Variants in TRPC5 observed in about 807,000 individuals in gnomAD.
TRPC5 encodes transient receptor potential cation channel subfamily C member 5.
Under a neutral mutation model 56.5 loss-of-function variants are expected in TRPC5, and 9 were observed. That is an observed-to-expected ratio of 0.16 (90% CI 0.10 to 0.28). The LOEUF (loss-of-function observed/expected upper bound fraction) is 0.28, where lower values mean the gene tolerates loss of function less well. Among genes scored for constraint, TRPC5 ranks in the 10% least tolerant of loss-of-function variants. The pLI is 1.00. For missense variants in TRPC5, 469 were observed against 748.9 expected (o/e 0.63, Z 4.36); for synonymous variants, 282 against 278.5 (o/e 1.01, Z -0.13).
intron 10 of TRPC5, among the ~76,000 whole-genome samples, chrX:111,777,703 A>T (rs188146627): frequency 8.9e-6 from 1 of 111,894 alleles, no homozygotes; most frequent in East Asian, 2.8e-4. Context: ...ACCTGTATGG[A>T]CATATTCTCC....
intron 7 of TRPC5, among the ~76,000 whole-genome samples, chrX:111,792,946 G>A (rs1946034125): frequency 3.6e-5 from 4 of 111,884 alleles, no homozygotes; most frequent in African/African-American, 1.3e-4. Context: ...AATGGCAAAT[G>A]GACAAGTTCA....
At chrX:112,081,654 T>G (rs768173380) in intron 1 of TRPC5, among the ~76,000 whole-genome samples, 2 of 111,729 alleles carry the variant, frequency 1.8e-5, no homozygotes, top group Middle Eastern at 4.2e-3. Flanking sequence ...AGGCAGCACC[T>G]TGTCCTATCA....
chrX:111,802,318 T>G (rs1921336526), intron 7 of TRPC5, among the ~76,000 whole-genome samples: 1 of 111,825 alleles, frequency 8.9e-6, no homozygotes, highest in African/African-American at 3.2e-5. Flanking sequence ...CAAACTTCAT[T>G]GATTTTTCAA....
At chrX:111,997,418 G>A (rs913144275) in intron 1 of TRPC5, among the ~76,000 whole-genome samples, 9 of 111,375 alleles carry the variant, frequency 8.1e-5, no homozygotes, top group Non-Finnish European at 1.5e-4. Flanking sequence ...CTTTCTCTCT[G>A]GTTGCCCTTA....
intron 2 of TRPC5, among the ~76,000 whole-genome samples, chrX:111,947,298 C>T (rs1016093526): frequency 1.8e-5 from 2 of 111,235 alleles, no homozygotes; most frequent in Non-Finnish European, 3.8e-5. Flanking sequence ...TGATCTTGGA[C>T]AATTGACCTA....
At chrX:111,909,821 A>T (rs1431843749) in intron 3 of TRPC5, among the ~76,000 whole-genome samples, 1 of 111,778 alleles carries the variant, frequency 8.9e-6, no homozygotes, top group East Asian at 2.8e-4. Flanking sequence ...TAAAAGAAAG[A>T]GGAAAAAATA....
chrX:111,816,799 A>G (rs1309038526), intron 7 of TRPC5, among the ~76,000 whole-genome samples: 1 of 111,720 alleles, frequency 9.0e-6, no homozygotes, highest in East Asian at 2.8e-4. Flanking sequence ...CTCCATTGTT[A>G]TGGAAGGAAG....
At chrX:111,849,397 C>T (rs1923020747) in intron 5 of TRPC5, among the ~76,000 whole-genome samples, 1 of 112,658 alleles carries the variant, frequency 8.9e-6, no homozygotes, top group South Asian at 3.6e-4. Context: ...TCAGATAGTA[C>T]ATATTTTTGG....
chrX:111,991,888 AAAT>A lies in TRPC5; in HGVS notation c.-21-39450_-21-39448del, dbSNP rs1250421209. 2.7e-5 allele frequency among the ~76,000 whole-genome samples: 3 copies of A among 112,062 alleles called. No homozygotes were observed. In the Admixed American group the frequency reaches 2.9e-4, roughly 11 times the overall value. Reference sequence around the variant, plus strand: ...TCCCTAGGGTTTCAGGCTATCTAATAAATAATCTACATCTTTTGTTTCTGAAAA... The same window carrying A: ...TCCCTAGGGTTTCAGGCTATCTAATAAATCTACATCTTTTGTTTCTGAAAA... On this transcript the variant is annotated intron_variant, in intron 1 of 10. Transcript: ENST00000262839.
At chrX:111,941,389 G>A (rs1603109615) in intron 2 of TRPC5, among the ~76,000 whole-genome samples, 1 of 112,358 alleles carries the variant, frequency 8.9e-6, no homozygotes, top group Non-Finnish European at 1.9e-5. Context: ...AGCACAGTAA[G>A]GTAGTCTCTG....
intron 1 of TRPC5, among the ~76,000 whole-genome samples, chrX:111,955,517 C>T (rs1927208363): frequency 8.9e-6 from 1 of 111,962 alleles, no homozygotes; most frequent in East Asian, 2.8e-4. Flanking sequence ...ATGCCCAGCT[C>T]TATACTACGA....
At chrX:111,850,495 C>A (rs1174555827) in intron 5 of TRPC5, among the ~76,000 whole-genome samples, 1 of 111,905 alleles carries the variant, frequency 8.9e-6, no homozygotes, top group Non-Finnish European at 1.9e-5. Flanking sequence ...GTTGGCTCAG[C>A]CTGCTTGGGG....
chrX:111,910,937 C>T (rs930112096), intron 3 of TRPC5, among the ~76,000 whole-genome samples: 1 of 112,734 alleles, frequency 8.9e-6, no homozygotes, highest in Non-Finnish European at 1.9e-5. Flanking sequence ...GTGAGCACAA[C>T]ACCAGGCTTA....
At chrX:111,879,084 T>C (rs1325188716) in intron 3 of TRPC5, among the ~76,000 whole-genome samples, 1 of 112,217 alleles carries the variant, frequency 8.9e-6, no homozygotes, top group East Asian at 2.8e-4. Flanking sequence ...AAGGGAAGTA[T>C]TTATGAATTT....
rs138906222 is a variant in TRPC5, at chrX:111,857,222, A to G, written c.901-3116T>C. 6.6e-3 allele frequency among the ~76,000 whole-genome samples: 738 copies of G among 112,350 alleles called. 7 individuals are homozygous for G. Among genetic ancestry groups the G allele is most frequent in the African/African-American group, 0.023 (699 of 30,874 alleles). ...GCAGAGGGCAGTCAAAACTAGAGGCAGAAAGATTAGTTAGAAAACTGTTGT... is the reference window on the plus strand; with the variant it reads ...GCAGAGGGCAGTCAAAACTAGAGGCGGAAAGATTAGTTAGAAAACTGTTGT... On this transcript the variant is annotated intron_variant, in intron 3 of 10. Coordinates refer to ENST00000262839, the MANE Select transcript of TRPC5 (RefSeq NM_012471.3).
intron 1 of TRPC5, among the ~76,000 whole-genome samples, chrX:112,081,207 C>T (rs139549437): frequency 2.7e-5 from 3 of 112,000 alleles, no homozygotes; most frequent in Non-Finnish European, 5.6e-5. Context: ...AGCTCAGTAC[C>T]TGCATATGTG....
chrX:111,983,315 C>T (rs759004899), intron 1 of TRPC5, among the ~76,000 whole-genome samples: 1 of 111,462 alleles, frequency 9.0e-6, no homozygotes, highest in East Asian at 2.9e-4. Context: ...ACCTCCATCA[C>T]AGCCATCATG....
chrX:111,860,160 G>A (rs1375315172), intron 3 of TRPC5, among the ~76,000 whole-genome samples: 1 of 112,524 alleles, frequency 8.9e-6, no homozygotes, highest in Admixed American at 9.4e-5. Context: ...CGCCCACCTC[G>A]GCCTCCCAAA....
chrX:111,916,271 A>G (rs1008009958), intron 2 of TRPC5, among the ~76,000 whole-genome samples: 3 of 112,230 alleles, frequency 2.7e-5, no homozygotes, highest in African/African-American at 9.7e-5. Context: ...CCAAGACTCC[A>G]AGAAGGGTTA....
Sources: gnomAD v4.1 joint callset for allele counts (sites outside exome capture counted in the v4.1 genomes callset) on GRCh38, gnomAD v4.1.1 for gene constraint, MANE v1.5 for transcripts, NCBI Gene and HGNC (gene_info 2026-07-23, HGNC 2026-07-21) for gene names.